The following PPFIA2 variants were observed in gnomAD, a reference collection of about 807,000 sequenced individuals.
PPFIA2 encodes liprin-alpha-2.
Under a neutral mutation model 175.5 loss-of-function variants are expected in PPFIA2, and 46 were observed. The ratio of observed to expected loss-of-function variants is 0.26; its 90% CI spans 0.21 to 0.34. The LOEUF (loss-of-function observed/expected upper bound fraction) is 0.34, where lower values mean the gene tolerates loss of function less well. PPFIA2 is among the 10% of genes least tolerant of loss of function. The pLI is 1.00. For missense variants in PPFIA2, 1,179 were observed against 1,506.1 expected (o/e 0.78, Z 3.60); for synonymous variants, 568 against 511.4 (o/e 1.11, Z -1.49).
At chr12:81,663,591 A>G (rs991089955) in intron 4 of PPFIA2, among the ~76,000 whole-genome samples, 2 of 152,220 alleles carry the variant, frequency 1.3e-5, no homozygotes, top group African/African-American at 2.4e-5. Flanking sequence ...AAGAATCAAT[A>G]TCATGAAAAT....
chr12:81,376,615 A>G (rs1335596225), intron 9 of PPFIA2, among the ~76,000 whole-genome samples: 5 of 152,212 alleles, frequency 3.3e-5, no homozygotes, highest in Non-Finnish European at 4.4e-5. Flanking sequence ...ATTTTTAAAT[A>G]ATAGAATTTA....
chr12:81,697,962 T>A (rs1434484827), intron 3 of PPFIA2, among the ~76,000 whole-genome samples: 1 of 152,166 alleles, frequency 6.6e-6, no homozygotes, highest in Non-Finnish European at 1.5e-5. Context: ...ATAGCCAATG[T>A]GATAAGAATA....
At chr12:81,477,720 T>C (rs2057659700) in intron 4 of PPFIA2, among the ~76,000 whole-genome samples, 1 of 152,204 alleles carries the variant, frequency 6.6e-6, no homozygotes, top group Non-Finnish European at 1.5e-5. Context: ...GATTTGCATA[T>C]GTTGAACCAG....
chr12:81,610,242 A>C (rs1595582366), intron 4 of PPFIA2, among the ~76,000 whole-genome samples: 2 of 152,158 alleles, frequency 1.3e-5, no homozygotes, highest in African/African-American at 4.8e-5. Context: ...CGATCAACTT[A>C]TCTAGCTGGG....
chr12:81,516,473 T>C (rs907994131), intron 4 of PPFIA2, among the ~76,000 whole-genome samples: 1 of 152,190 alleles, frequency 6.6e-6, no homozygotes, highest in Non-Finnish European at 1.5e-5. Flanking sequence ...AGTTTGAACC[T>C]ATTTGGAAAT....
chr12:81,467,671 A>G (rs1254095553), intron 4 of PPFIA2, among the ~76,000 whole-genome samples: 2 of 152,172 alleles, frequency 1.3e-5, no homozygotes, highest in Non-Finnish European at 2.9e-5. Context: ...TGCATCTATT[A>G]TCACTAACCC....
At chr12:81,546,793 C>T (rs2067069685) in intron 4 of PPFIA2, among the ~76,000 whole-genome samples, 1 of 151,262 alleles carries the variant, frequency 6.6e-6, no homozygotes, top group South Asian at 2.1e-4. Flanking sequence ...TTAGATAGAT[C>T]ATGTTTTTTA....
chr12:81,585,813 TTTA>T (rs1316147354), intron 4 of PPFIA2, among the ~76,000 whole-genome samples: 6 of 151,898 alleles, frequency 4.0e-5, no homozygotes, highest in Admixed American at 1.3e-4. Context: ...AACATAGAAG[TTTA>T]TTATCATTAT....
intron 4 of PPFIA2, among the ~76,000 whole-genome samples, 168 bp from the exon 5 acceptor site, chr12:81,458,034 A>C (rs1041182732): frequency 2.6e-5 from 4 of 152,208 alleles, no homozygotes; most frequent in African/African-American, 9.6e-5. Context: ...AAACATGCTA[A>C]TCCATAATAT....
At chr12:81,544,684 T>G (rs551815385) in intron 4 of PPFIA2, among the ~76,000 whole-genome samples, 1 of 152,256 alleles carries the variant, frequency 6.6e-6, no homozygotes, top group South Asian at 2.1e-4. Context: ...AGACCACTGT[T>G]GAAGTATTTG....
At chr12:81,355,656 C>T (rs147595853) in intron 16 of PPFIA2, among the ~76,000 whole-genome samples, 43 of 152,312 alleles carry the variant, frequency 2.8e-4, no homozygotes, top group African/African-American at 9.9e-4. Context: ...TCCATCAGCC[C>T]TTGTTGCTTC....
In PPFIA2 at chr12:81,692,394, G is replaced by C. The variant is rs559186189; in HGVS notation, c.250-15550C>G. On this transcript the variant is annotated intron_variant, in intron 3 of 32. Transcript: ENST00000549396. ...CCAAATTCCTACCCACAGATATTAT[G>C]AAATAATATAAATTGTTTTAAGCCA... Among the ~76,000 whole-genome samples the C allele has an allele frequency of 2.0e-5, 3 of 152,054 alleles. No homozygotes were observed. In the South Asian group the frequency reaches 6.2e-4, roughly 32 times the overall value.
At chr12:81,386,638 T>A (rs2039037041) in intron 8 of PPFIA2, among the ~76,000 whole-genome samples, 1 of 151,676 alleles carries the variant, frequency 6.6e-6, no homozygotes, top group South Asian at 2.1e-4. Context: ...ATAATGATAA[T>A]AATAATAATA....
chr12:81,485,109 T>G (rs1296672233), intron 4 of PPFIA2, among the ~76,000 whole-genome samples: 1 of 151,878 alleles, frequency 6.6e-6, no homozygotes, highest in Non-Finnish European at 1.5e-5. Flanking sequence ...TTGAGCTATA[T>G]TTCAAAAAGC....
chr12:81,313,432 G>A (rs947224339), intron 22 of PPFIA2, among the ~76,000 whole-genome samples: 3 of 151,874 alleles, frequency 2.0e-5, no homozygotes, highest in Admixed American at 6.6e-5. Flanking sequence ...CAGAGAAACC[G>A]TGTACTTTTT....
At chr12:81,308,022 T>C (rs1489466485) in intron 22 of PPFIA2, among the ~76,000 whole-genome samples, 2 of 152,198 alleles carry the variant, frequency 1.3e-5, no homozygotes, top group East Asian at 3.9e-4. Context: ...CTCTCTTCTA[T>C]GCAAATACCA....
intron 4 of PPFIA2, 125 bp from the exon 5 acceptor site, chr12:81,457,991 T>G: frequency 1.6e-6 from 1 of 621,434 alleles, no homozygotes; most frequent in Non-Finnish European, 2.8e-6. Context: ...CAACATATGT[T>G]GCTGTTATGA....
At chr12:81,536,180 C>T (rs1238282190) in intron 4 of PPFIA2, among the ~76,000 whole-genome samples, 1 of 151,694 alleles carries the variant, frequency 6.6e-6, no homozygotes, top group African/African-American at 2.4e-5. Context: ...ACAAAGCTGA[C>T]AACTATTATT....
At chr12:81,605,546 G>A (rs2060203325) in intron 4 of PPFIA2, among the ~76,000 whole-genome samples, 1 of 151,774 alleles carries the variant, frequency 6.6e-6, no homozygotes, top group East Asian at 1.9e-4. Flanking sequence ...GAAATTTGCA[G>A]CCCAGATGGA....
Sources: gnomAD v4.1 joint callset for allele counts (sites outside exome capture counted in the v4.1 genomes callset) on GRCh38, gnomAD v4.1.1 for gene constraint, MANE v1.5 for transcripts, NCBI Gene and HGNC (gene_info 2026-07-23, HGNC 2026-07-21) for gene names.